Variants in RGS5 observed in about 807,000 individuals in gnomAD.
The protein encoded by RGS5 is regulator of G protein signaling 5.
RGS5 carries 20 observed loss-of-function variants against 18.9 expected under a neutral mutation model. That is an observed-to-expected ratio of 1.06 (90% CI 0.74 to 1.54). RGS5 has a LOEUF of 1.54. RGS5 is among the 40% of genes most tolerant of loss of function. The pLI is 0.00. For missense variants in RGS5, 201 were observed against 211.8 expected, an observed-to-expected ratio of 0.95 and a Z score of 0.32; for synonymous variants, 57 against 76.2, an observed-to-expected ratio of 0.75 and a Z score of 1.31.
At chr1:163,164,616 T>C (rs1000939430) in intron 2 of RGS5, among the ~76,000 whole-genome samples, 1 of 152,180 alleles carries the variant, frequency 6.6e-6, no homozygotes, top group African/African-American at 2.4e-5. Flanking sequence ...ACAGCATCAA[T>C]CCACCTTGCA....
intron 2 of RGS5, among the ~76,000 whole-genome samples, chr1:163,250,507 C>A (rs1292665169): frequency 6.6e-6 from 1 of 152,148 alleles, no homozygotes; most frequent in Non-Finnish European, 1.5e-5. Context: ...ACAGAACCCA[C>A]ATTCCCTAAA....
chr1:163,319,566 A>T (rs904673363), intron 1 of RGS5, among the ~76,000 whole-genome samples: 1 of 152,162 alleles, frequency 6.6e-6, no homozygotes, highest in South Asian at 2.1e-4. Flanking sequence ...AATCTGTCAT[A>T]TATCACTTTG....
At chr1:163,302,727 T>G (rs1325954853) in intron 2 of RGS5, among the ~76,000 whole-genome samples, 1 of 152,174 alleles carries the variant, frequency 6.6e-6, no homozygotes, top group Admixed American at 6.5e-5. Flanking sequence ...CTCTGTGCTT[T>G]CCCATCTCCA....
Position 163,168,459 on chromosome 1 carries a change from TG to T in RGS5, c.45-92del. On this transcript the variant is annotated intron_variant, in intron 1 of 4. Coordinates refer to ENST00000313961, the MANE Select transcript of RGS5 (RefSeq NM_003617.4). ...TCTTCCTGTGTCAGAGAAACAAAAA[TG>T]AACAAAATCCCATTTCACTTTTATT... 5 of 896,980 alleles carry T rather than the reference TG, an allele frequency of 5.6e-6. No homozygotes were observed. In the South Asian group the frequency reaches 7.7e-5, roughly 14 times the overall value. 55.6% of individuals were successfully genotyped at this position (896,980 alleles called of 1,614,324 possible). A position where few individuals can be genotyped will look rare whatever the true frequency, so the allele number is the denominator to read the frequency against.
At chr1:163,239,149 C>A (rs943246775) in intron 2 of RGS5, 1 of 164,376 alleles carries the variant, frequency 6.1e-6, no homozygotes. Context: ...GAAATTGGGG[C>A]TCTATTACAA....
chr1:163,250,341 G>T (rs1184829602), intron 2 of RGS5, among the ~76,000 whole-genome samples: 1 of 152,206 alleles, frequency 6.6e-6, no homozygotes, highest in Non-Finnish European at 1.5e-5. Context: ...TCTGTATTTA[G>T]GGCAGTTGCC....
chr1:163,204,348 C>T (rs1659889260), upstream of RGS5, among the ~76,000 whole-genome samples: 1 of 150,930 alleles, frequency 6.6e-6, no homozygotes, highest in South Asian at 2.1e-4. Context: ...CACACACAGA[C>T]ACACACGTTT....
intron 2 of RGS5, among the ~76,000 whole-genome samples, chr1:163,252,909 C>T (rs745872530): frequency 3.3e-5 from 5 of 152,136 alleles, no homozygotes; most frequent in Non-Finnish European, 5.9e-5. Context: ...CGAATTTCAT[C>T]ATCTGTAAAA....
chr1:163,309,617 C>T (rs111535472), intron 1 of RGS5, among the ~76,000 whole-genome samples: 2,299 of 152,208 alleles, frequency 0.015, 35 homozygotes, highest in Non-Finnish European at 0.021. Context: ...CTTGCTATTT[C>T]CATCACATCT....
upstream of RGS5, among the ~76,000 whole-genome samples, chr1:163,203,700 C>T (rs535083691): frequency 1.9e-4 from 29 of 152,212 alleles, no homozygotes; most frequent in South Asian, 5.8e-3. Flanking sequence ...TTAATTCTGT[C>T]AGTGGTCTTC....
At chr1:163,239,342 C>T (rs1469831739) in intron 2 of RGS5, 1 of 151,500 alleles carries the variant, frequency 6.6e-6, no homozygotes, top group African/African-American at 2.4e-5. Context: ...AAACATTAGC[C>T]AGGCGTGGTG....
chr1:163,159,866 A>C (rs1657732807), intron 3 of RGS5, among the ~76,000 whole-genome samples: 1 of 152,164 alleles, frequency 6.6e-6, no homozygotes, highest in South Asian at 2.1e-4. Context: ...AATATTGTGA[A>C]TATTATATAT....
intron 3 of RGS5, among the ~76,000 whole-genome samples, chr1:163,154,857 A>G (rs1165822445): frequency 2.0e-5 from 3 of 149,390 alleles, no homozygotes; most frequent in East Asian, 3.9e-4. Flanking sequence ...TAATATATAG[A>G]TATTTTAGTC....
At chr1:163,177,703 G>A (rs1370616380) in intron 1 of RGS5, among the ~76,000 whole-genome samples, 5 of 152,068 alleles carry the variant, frequency 3.3e-5, no homozygotes, top group Admixed American at 1.3e-4. Context: ...CGGCAAACAC[G>A]CAGAAAACAA....
intron 2 of RGS5, among the ~76,000 whole-genome samples, chr1:163,292,169 T>C (rs896243499): frequency 1.6e-4 from 25 of 152,212 alleles, no homozygotes; most frequent in African/African-American, 5.8e-4. Context: ...CTCTCTCTTC[T>C]ACCCCCCACC....
intron 2 of RGS5, among the ~76,000 whole-genome samples, chr1:163,302,628 C>T (rs994420449): frequency 6.6e-6 from 1 of 152,112 alleles, no homozygotes; most frequent in Non-Finnish European, 1.5e-5. Flanking sequence ...TTGGTATGGT[C>T]CTGCCTTCCC....
rs1407765739 is a variant in RGS5 at position 163,143,781 on chromosome 1, G to A, written c.*3561C>T. 6.6e-6 allele frequency: 1 copy of A among 152,022 alleles called. No homozygotes were observed. The highest frequency in any genetic ancestry group is 2.4e-5 in the African/African-American group (1 of 41,400). 9.4% of individuals were successfully genotyped at this position (152,022 alleles called of 1,614,324 possible). A position where few individuals can be genotyped will look rare whatever the true frequency, so the allele number is the denominator to read the frequency against. On this transcript the variant is annotated 3_prime_UTR_variant, in exon 5 of 5. Coordinates refer to ENST00000313961, the MANE Select transcript of RGS5 (RefSeq NM_003617.4). ...CTGAAATATAACTAGCTTTTACAACGATTCTCAAATTTGTTATTGGATAGG... is the reference window on the plus strand; with the variant it reads ...CTGAAATATAACTAGCTTTTACAACAATTCTCAAATTTGTTATTGGATAGG...
At chr1:163,216,921 A>C (rs577389018) in intron 1 of RGS5, among the ~76,000 whole-genome samples, 67 of 152,334 alleles carry the variant, frequency 4.4e-4, no homozygotes, top group African/African-American at 1.6e-3. Context: ...AGTTGGCTTC[A>C]TAAACTCCAC....
At chr1:163,166,480 AAGAG>A (rs767404750) in intron 2 of RGS5, among the ~76,000 whole-genome samples, 1 of 152,002 alleles carries the variant, frequency 6.6e-6, no homozygotes, top group African/African-American at 2.4e-5. Context: ...AAAGTGAGAG[AAGAG>A]AGAGAGAGAT....
Sources: gnomAD v4.1 joint callset for allele counts (sites outside exome capture counted in the v4.1 genomes callset) on GRCh38, gnomAD v4.1.1 for gene constraint, MANE v1.5 for transcripts, NCBI Gene and HGNC (gene_info 2026-07-23, HGNC 2026-07-21) for gene names.